The following NRG3 variants were observed in gnomAD, a reference collection of about 807,000 sequenced individuals.
NRG3 encodes the protein neuregulin 3.
NRG3 carries 31 observed loss-of-function variants against 66.9 expected under a neutral mutation model. The ratio of observed to expected loss-of-function variants is 0.46; its 90% CI spans 0.35 to 0.63. The LOEUF is 0.63. Among genes scored for constraint, NRG3 ranks in the 20% least tolerant of loss-of-function variants. The pLI is 0.00. For missense variants in NRG3, 910 were observed against 878.9 expected, an observed-to-expected ratio of 1.04 and a Z score of -0.45; for synonymous variants, 393 against 359.4, an observed-to-expected ratio of 1.09 and a Z score of -1.06.
chr10:82,314,395 G>T (rs1331852482), intron 1 of NRG3, among the ~76,000 whole-genome samples: 1 of 151,956 alleles, frequency 6.6e-6, no homozygotes, highest in Non-Finnish European at 1.5e-5. Context: ...GTTTTAATTT[G>T]CAGGGACCCC....
intron 1 of NRG3, among the ~76,000 whole-genome samples, chr10:82,165,440 G>T (rs900722944): frequency 1.3e-5 from 2 of 151,942 alleles, no homozygotes; most frequent in African/African-American, 2.4e-5. Flanking sequence ...TGTCAATTTT[G>T]TAGGCAAAAT....
chr10:82,816,489 T>C (rs114528472), intron 3 of NRG3, among the ~76,000 whole-genome samples: 1,731 of 151,810 alleles, frequency 0.011, 31 homozygotes, highest in African/African-American at 0.039. Flanking sequence ...GAGTCCAGGG[T>C]TTTCCTGGGC....
At chr10:82,554,795 C>T (rs1321725397) in intron 2 of NRG3, among the ~76,000 whole-genome samples, 1 of 152,070 alleles carries the variant, frequency 6.6e-6, no homozygotes, top group African/African-American at 2.4e-5. Flanking sequence ...CTTGTGTAAC[C>T]ACTAAAAGCA....
chr10:82,616,421 A>G (rs1436250288), intron 2 of NRG3, among the ~76,000 whole-genome samples: 1 of 152,216 alleles, frequency 6.6e-6, no homozygotes, highest in Non-Finnish European at 1.5e-5. Flanking sequence ...AACATATCCA[A>G]GCTGAATGCT....
At chr10:82,142,551 C>T (rs900309109) in intron 1 of NRG3, among the ~76,000 whole-genome samples, 14 of 151,958 alleles carry the variant, frequency 9.2e-5, no homozygotes. Flanking sequence ...AGTGGGGTAT[C>T]GAGAAGCAGG....
chr10:81,997,332 G>A (rs564742654), intron 1 of NRG3, among the ~76,000 whole-genome samples: 1 of 152,350 alleles, frequency 6.6e-6, no homozygotes, highest in South Asian at 2.1e-4. Context: ...CTCCGTGCCT[G>A]TGCAGGGTCA....
chr10:81,953,259 GCCCCA>G (rs1186435146), intron 1 of NRG3, among the ~76,000 whole-genome samples: 2 of 152,144 alleles, frequency 1.3e-5, no homozygotes, highest in African/African-American at 4.8e-5. Context: ...TTGGTTGAGA[GCCCCA>G]TCCTTTGCTT....
intron 2 of NRG3, among the ~76,000 whole-genome samples, chr10:82,624,676 A>G (rs1329784013): frequency 2.0e-5 from 3 of 149,744 alleles, no homozygotes; most frequent in Non-Finnish European, 3.0e-5. Flanking sequence ...GGTTTCTACC[A>G]TTAAATATAT....
intron 1 of NRG3, among the ~76,000 whole-genome samples, chr10:82,131,368 C>A (rs1045063649): frequency 1.3e-5 from 2 of 152,038 alleles, no homozygotes; most frequent in Non-Finnish European, 2.9e-5. Context: ...GGATTTATTT[C>A]TGGGTTCTCT....
At chr10:82,127,352 C>T (rs75591221) in intron 1 of NRG3, among the ~76,000 whole-genome samples, 2,622 of 152,184 alleles carry the variant, frequency 0.017, 89 homozygotes, top group African/African-American at 0.059. Flanking sequence ...GTTGGCTTCT[C>T]TACCTGCATG....
chr10:82,390,344 G>T (rs752084382), intron 2 of NRG3, among the ~76,000 whole-genome samples: 8 of 134,246 alleles, frequency 6.0e-5, no homozygotes, highest in South Asian at 4.8e-4. Flanking sequence ...GTTTTTTTGT[G>T]GGGGGGCTGG....
intron 2 of NRG3, among the ~76,000 whole-genome samples, chr10:82,683,220 G>C (rs1425587223): frequency 1.3e-5 from 2 of 152,034 alleles, no homozygotes; most frequent in East Asian, 3.9e-4. Flanking sequence ...CTCCCAAAGT[G>C]CTGGGATTAC....
intron 1 of NRG3, among the ~76,000 whole-genome samples, chr10:81,882,580 A>G (rs1020650907): frequency 6.6e-5 from 10 of 152,178 alleles, no homozygotes; most frequent in Admixed American, 3.3e-4. Context: ...GATGACAATA[A>G]CCTGACTTCT....
Position 81,905,659 on chromosome 10 carries a change from C to T in NRG3, c.823+29496C>T, listed in dbSNP as rs181062085. On this transcript the variant is annotated intron_variant, in intron 1 of 8. Coordinates refer to ENST00000372141, the MANE Select transcript of NRG3 (RefSeq NM_001010848.4). ...TTTGGTTCCTTCTGGAAGTTAAGGC[C>T]GTTTCCTACTCTGTTTTTACAGGCC... Among the ~76,000 whole-genome samples the T allele has an allele frequency of 2.5e-3, 375 of 152,252 alleles. 2 individuals are homozygous for T. The highest frequency in any genetic ancestry group is 8.4e-3 in the African/African-American group (350 of 41,546).
chr10:82,619,391 G>A (rs1394501642), intron 2 of NRG3, among the ~76,000 whole-genome samples: 1 of 152,080 alleles, frequency 6.6e-6, no homozygotes, highest in African/African-American at 2.4e-5. Context: ...GATTTCTTCT[G>A]ATCTTTATGT....
At chr10:82,925,279 A>G (rs1591979812) in intron 4 of NRG3, among the ~76,000 whole-genome samples, 1 of 152,356 alleles carries the variant, frequency 6.6e-6, no homozygotes, top group Non-Finnish European at 1.5e-5. Context: ...TAGCTATGCA[A>G]CAATGACATG....
chr10:82,420,409 A>G (rs544792398), intron 2 of NRG3, among the ~76,000 whole-genome samples: 4 of 152,188 alleles, frequency 2.6e-5, no homozygotes, highest in Non-Finnish European at 5.9e-5. Context: ...TTATCTTCAA[A>G]GAACAAATGA....
At position 82,387,093 on chromosome 10, in the gene NRG3, C is replaced by A. The variant is rs529396369; in HGVS notation, c.953+28225C>A. Among the ~76,000 whole-genome samples, 10 of 152,350 alleles carry A rather than the reference C, an allele frequency of 6.6e-5. No homozygotes were observed. The East Asian group carries it at 1.7e-3, about 26-fold the overall frequency. On this transcript the variant is annotated intron_variant, in intron 2 of 8. Transcript: ENST00000372141. ...GGGATTATAGGCGTAAGCCACCGCACCCAGCCTTGACAGGCTTTTCCAATA... is the reference window on the plus strand; with the variant it reads ...GGGATTATAGGCGTAAGCCACCGCAACCAGCCTTGACAGGCTTTTCCAATA...
At chr10:82,102,889 C>T (rs1002005186) in intron 1 of NRG3, among the ~76,000 whole-genome samples, 4 of 151,940 alleles carry the variant, frequency 2.6e-5, no homozygotes, top group South Asian at 4.2e-4. Flanking sequence ...ACATTAAAAT[C>T]AGAGAAAAAG....
Sources: gnomAD v4.1 joint callset for allele counts (sites outside exome capture counted in the v4.1 genomes callset) on GRCh38, gnomAD v4.1.1 for gene constraint, MANE v1.5 for transcripts, NCBI Gene and HGNC (gene_info 2026-07-23, HGNC 2026-07-21) for gene names.